Variants in DNAI3 observed in about 807,000 individuals in gnomAD.
DNAI3 encodes the protein dynein axonemal intermediate chain 3.
A neutral mutation model predicts 115.5 loss-of-function variants in DNAI3; 83 were observed. That is an observed-to-expected ratio of 0.72 (90% CI 0.60 to 0.86). The LOEUF is 0.86. DNAI3 is among the 40% of genes least tolerant of loss of function. DNAI3 has a pLI of 0.00. For synonymous variants in DNAI3, 320 were observed against 347.0 expected (o/e 0.92, Z 0.86); for missense variants, 1,004 against 1,075.8 (o/e 0.93, Z 0.93).
chr1:85,093,087 A>G (rs1289262267), intron 8 of DNAI3, among the ~76,000 whole-genome samples: 1 of 152,172 alleles, frequency 6.6e-6, no homozygotes. Flanking sequence ...GCATCAGACA[A>G]ATTCTCAGCC....
chr1:85,115,929 C>A (rs1655803286), intron 16 of DNAI3, among the ~76,000 whole-genome samples: 2 of 152,204 alleles, frequency 1.3e-5, no homozygotes, highest in South Asian at 4.1e-4. Context: ...ATCTGTGGCC[C>A]AGGGGCTGCA....
In DNAI3 at chr1:85,121,819, G is replaced by A. The variant is rs745604748; in HGVS notation, c.1981+5G>A. ...CTGAAACTGGCCGACTTATGTGTAA[G>A]TTTTGTGATTGCCCTGTTATTAATA... On this transcript the variant is annotated splice_donor_5th_base_variant and intron_variant, in intron 18 of 22. Transcript: ENST00000294664. 2 of 1,613,992 alleles carry A rather than the reference G, an allele frequency of 1.2e-6. No homozygotes were observed. The highest frequency in any genetic ancestry group is 1.7e-6 in the Non-Finnish European group (2 of 1,179,874).
At chr1:85,121,342 T>A (rs990911754) in intron 17 of DNAI3, among the ~76,000 whole-genome samples, 2 of 152,256 alleles carry the variant, frequency 1.3e-5, no homozygotes, top group Admixed American at 1.3e-4. Flanking sequence ...GCATTCATAG[T>A]CCCTCATTCT....
intron 18 of DNAI3, among the ~76,000 whole-genome samples, chr1:85,122,577 G>A (rs956252560): frequency 6.6e-6 from 1 of 152,174 alleles, no homozygotes; most frequent in Admixed American, 6.5e-5. Context: ...CAAACGAAGA[G>A]GCAGCTCCTG....
intron 8 of DNAI3, among the ~76,000 whole-genome samples, chr1:85,091,215 T>C (rs1417193103): frequency 6.6e-6 from 1 of 152,204 alleles, no homozygotes; most frequent in Non-Finnish European, 1.5e-5. Context: ...CAATTTTTCC[T>C]GTAAGAATAT....
chr1:85,103,944 A>G (rs1384414470), intron 13 of DNAI3, among the ~76,000 whole-genome samples: 2 of 148,524 alleles, frequency 1.3e-5, no homozygotes, highest in Non-Finnish European at 3.0e-5. Context: ...TTATGAATAT[A>G]TAGGTAAATG....
chr1:85,122,909 A>G (rs1181023108), intron 18 of DNAI3, among the ~76,000 whole-genome samples: 1 of 152,166 alleles, frequency 6.6e-6, no homozygotes, highest in East Asian at 1.9e-4. Flanking sequence ...GGGAGAGGAA[A>G]CCCAAGCAGA....
intron 3 of DNAI3, among the ~76,000 whole-genome samples, chr1:85,078,771 C>A (rs1333418885): frequency 6.6e-6 from 1 of 152,184 alleles, no homozygotes; most frequent in African/African-American, 2.4e-5. Context: ...CTGTTGGCTG[C>A]CAGTTATCTG....
At chr1:85,107,303 C>T (rs1397362701) in intron 14 of DNAI3, among the ~76,000 whole-genome samples, 3 of 152,098 alleles carry the variant, frequency 2.0e-5, no homozygotes, top group Non-Finnish European at 1.5e-5. Context: ...AGTGAAAAAG[C>T]TGTGGTGGGG....
At chr1:85,129,014 T>A (rs1237208704) in intron 21 of DNAI3, among the ~76,000 whole-genome samples, 1 of 152,198 alleles carries the variant, frequency 6.6e-6, no homozygotes, top group East Asian at 1.9e-4. Context: ...ACCAAGTCAA[T>A]GAAGTCCAGA....
chr1:85,127,693 A>G (rs1656188959), intron 20 of DNAI3, among the ~76,000 whole-genome samples: 1 of 152,236 alleles, frequency 6.6e-6, no homozygotes, highest in Non-Finnish European at 1.5e-5. Context: ...TGTGCCACCC[A>G]AGTATCTTTT....
At chr1:85,064,351 G>A (rs1303338952) in intron 1 of DNAI3, among the ~76,000 whole-genome samples, 1 of 152,198 alleles carries the variant, frequency 6.6e-6, no homozygotes, top group Non-Finnish European at 1.5e-5. Context: ...TTGGAAAGAA[G>A]TGGAAATAGG....
chr1:85,084,733 C>T lies in DNAI3; in HGVS notation c.540+38C>T. On this transcript the variant is annotated intron_variant, in intron 6 of 22. Coordinates refer to ENST00000294664, the MANE Select transcript of DNAI3 (RefSeq NM_145172.5). ...TATATGATCTGTAATCATTACCTCC[C>T]TGTAGCTGAACAACACTTATTCCTG... 4 of 1,378,858 alleles carry T rather than the reference C, an allele frequency of 2.9e-6. No individual in the cohort carries two copies. In the African/African-American group the frequency reaches 4.5e-5, roughly 15 times the overall value. 85.4% of individuals were successfully genotyped at this position (1,378,858 alleles called of 1,614,324 possible).
chr1:85,082,366 C>T lies in DNAI3; in HGVS notation c.352C>T (p.Leu118Phe). The change falls in exon 5 of 23, where the codon CTT becomes TTT. Residue 118 changes from leucine to phenylalanine, a missense_variant. Around this residue, in one of 3 missense-constraint regions of DNAI3, gnomAD observed 550 missense variants for 568.1 expected, o/e 0.97. Coordinates refer to ENST00000294664, the MANE Select transcript of DNAI3 (RefSeq NM_145172.5). Reference protein sequence around the residue: ...KDFKYGLNFYLIATEEGKENY... With the variant: ...KDFKYGLNFYFIATEEGKENY... The stretch of plus-strand genomic sequence containing the variant: ...CTTCAAATATGGACTTAACTTTTAT[C>T]TTATTGCAACTGAAGAGGGCAAAGA... 6.2e-7 allele frequency: 1 copy of T among 1,613,820 alleles called. No individual in the cohort carries two copies. The highest frequency in any genetic ancestry group is 8.5e-7 in the Non-Finnish European group (1 of 1,179,818).
intron 7 of DNAI3, among the ~76,000 whole-genome samples, chr1:85,089,698 G>A (rs1412299170): frequency 6.6e-6 from 1 of 151,766 alleles, no homozygotes; most frequent in South Asian, 2.1e-4. Context: ...AACCAAAAAT[G>A]TTTCTAGACA....
chr1:85,096,271 G>A (rs709767), intron 11 of DNAI3, among the ~76,000 whole-genome samples: 78,383 of 151,586 alleles, frequency 0.52, 20,914 homozygotes, highest in African/African-American at 0.64. Flanking sequence ...TGTGTTGCTG[G>A]GACTGAACCA....
chr1:85,131,847 G>C (rs1332799229), intron 22 of DNAI3, among the ~76,000 whole-genome samples: 1 of 152,090 alleles, frequency 6.6e-6, no homozygotes, highest in Non-Finnish European at 1.5e-5. Context: ...AAAATAATTT[G>C]CATGTGAAAT....
intron 3 of DNAI3, among the ~76,000 whole-genome samples, chr1:85,076,839 C>G (rs1027356962): frequency 1.3e-5 from 2 of 152,118 alleles, no homozygotes; most frequent in African/African-American, 4.8e-5. Context: ...ATTCTGTTTG[C>G]CAGAAGTGGT....
intron 22 of DNAI3, among the ~76,000 whole-genome samples, chr1:85,131,176 G>A (rs1656309546): frequency 1.3e-5 from 2 of 152,116 alleles, no homozygotes; most frequent in Middle Eastern, 3.4e-3. Flanking sequence ...ACTGGGCGCC[G>A]TGGCTCACAC....
Sources: allele counts gnomAD v4.1 joint callset (sites outside exome capture counted in the v4.1 genomes callset), GRCh38; gene constraint gnomAD v4.1.1; regional missense constraint gnomAD v4.1.1; transcripts MANE v1.5; gene names NCBI Gene and HGNC (gene_info 2026-07-23, HGNC 2026-07-21).